ASTN2: variants seen among roughly 807,000 people sequenced by gnomAD.
ASTN2 encodes astrotactin-2.
ASTN2 carries 54 observed loss-of-function variants against 139.8 expected under a neutral mutation model. The ratio of observed to expected loss-of-function variants is 0.39; its 90% CI spans 0.31 to 0.48. The LOEUF is 0.48. Ranked by LOEUF, ASTN2 falls within the 20% of genes least tolerant of loss-of-function variation. The probability of loss-of-function intolerance (pLI) is 0.95; values close to 1 mark genes in which losing one functional copy is unlikely to be tolerated. For synonymous variants in ASTN2, 756 were observed against 719.5 expected, an observed-to-expected ratio of 1.05 and a Z score of -0.81; for missense variants, 1,565 against 1,725.1, an observed-to-expected ratio of 0.91 and a Z score of 1.64.
chr9:117,167,081 C>A (rs1279372700), intron 3 of ASTN2, among the ~76,000 whole-genome samples: 1 of 151,764 alleles, frequency 6.6e-6, no homozygotes, highest in Non-Finnish European at 1.5e-5. Flanking sequence ...CAAAGTAAAC[C>A]AAAAGATAAT....
At chr9:116,663,049 A>C (rs1232157440) in intron 16 of ASTN2, among the ~76,000 whole-genome samples, 2 of 152,202 alleles carry the variant, frequency 1.3e-5, no homozygotes, top group Non-Finnish European at 2.9e-5. Context: ...AACTGTGTTT[A>C]AAACTTACTC....
intron 1 of ASTN2, among the ~76,000 whole-genome samples, chr9:117,345,731 G>A (rs1047799951): frequency 3.9e-5 from 6 of 152,172 alleles, no homozygotes; most frequent in African/African-American, 1.4e-4. Context: ...GTCAGGGAGG[G>A]CTTCTCAGAG....
At chr9:116,728,499 T>C (rs1828692649) in intron 15 of ASTN2, among the ~76,000 whole-genome samples, 1 of 152,048 alleles carries the variant, frequency 6.6e-6, no homozygotes, top group African/African-American at 2.4e-5. Context: ...TTAAAGTTCA[T>C]GTGGATATAA....
At chr9:116,728,513 G>T (rs1043591270) in intron 15 of ASTN2, among the ~76,000 whole-genome samples, 1 of 152,100 alleles carries the variant, frequency 6.6e-6, no homozygotes, top group Non-Finnish European at 1.5e-5. Context: ...GATATAATGT[G>T]GGTGGTGCAT....
intron 5 of ASTN2, among the ~76,000 whole-genome samples, chr9:117,061,233 AG>A (rs1473294448): frequency 2.0e-5 from 3 of 152,016 alleles, no homozygotes; most frequent in Admixed American, 6.6e-5. Context: ...CTTTGGAGTC[AG>A]ACAGATCTGG....
intron 1 of ASTN2, among the ~76,000 whole-genome samples, chr9:117,310,969 C>T (rs1439642801): frequency 6.6e-6 from 1 of 152,038 alleles, no homozygotes; most frequent in African/African-American, 2.4e-5. Flanking sequence ...GAGATTGAAC[C>T]CCAGTTGCCC....
chr9:117,114,098 G>T (rs1829317250), intron 4 of ASTN2, among the ~76,000 whole-genome samples: 1 of 151,642 alleles, frequency 6.6e-6, no homozygotes, highest in Non-Finnish European at 1.5e-5. Flanking sequence ...GGAGGATGAG[G>T]TACAGAACAT....
At chr9:117,122,379 C>T (rs1829579031) in intron 4 of ASTN2, among the ~76,000 whole-genome samples, 1 of 151,972 alleles carries the variant, frequency 6.6e-6, no homozygotes, top group African/African-American at 2.4e-5. Context: ...TAGCAGATGG[C>T]CCAGGTCCCA....
At chr9:117,340,708 T>C (rs776564248) in intron 1 of ASTN2, among the ~76,000 whole-genome samples, 5 of 152,172 alleles carry the variant, frequency 3.3e-5, no homozygotes, top group Admixed American at 1.3e-4. Context: ...AATTGTCAAG[T>C]GCCATAAAAG....
At chr9:116,963,852 G>A (rs555176267) in intron 10 of ASTN2, among the ~76,000 whole-genome samples, 54 of 152,256 alleles carry the variant, frequency 3.5e-4, no homozygotes, top group African/African-American at 1.2e-3. Flanking sequence ...GTGCAGTTGG[G>A]ACATTTATTT....
At chr9:117,309,270 C>A (rs984009747) in intron 1 of ASTN2, among the ~76,000 whole-genome samples, 3 of 152,216 alleles carry the variant, frequency 2.0e-5, no homozygotes, top group Admixed American at 6.5e-5. Flanking sequence ...CTGCCACTGG[C>A]TGCATCTACT....
intron 19 of ASTN2, among the ~76,000 whole-genome samples, chr9:116,507,249 T>C (rs538040468): frequency 1.3e-5 from 2 of 152,252 alleles, no homozygotes; most frequent in African/African-American, 4.8e-5. Flanking sequence ...CCATAGTTTG[T>C]CTCCCTGAAA....
At chr9:116,522,140 T>G (rs1407696392) in intron 19 of ASTN2, among the ~76,000 whole-genome samples, 2 of 152,200 alleles carry the variant, frequency 1.3e-5, no homozygotes. Context: ...ATCTACTGTT[T>G]GATCCAGTAA....
In ASTN2 at chr9:117,120,018, G is replaced by GTATGTATATATATATA. The variant is rs1554780401; in HGVS notation, c.1168+21307_1168+21308insTATATATATATACATA. Among the ~76,000 whole-genome samples, 5 of 46,000 alleles carry GTATGTATATATATATA rather than the reference G, an allele frequency of 1.1e-4. 1 individual carries two copies. Among genetic ancestry groups the GTATGTATATATATATA allele is most frequent in the Admixed American group, 6.0e-4 (2 of 3,350 alleles). The allele number at this position is 46,000 out of a possible 152,430, so 30.2% of individuals were successfully genotyped here. A position where few individuals can be genotyped will look rare whatever the true frequency, so the allele number is the denominator to read the frequency against. On this transcript the variant is annotated intron_variant, in intron 4 of 22. Coordinates refer to ENST00000313400, the MANE Select transcript of ASTN2 (RefSeq NM_001365068.1). The stretch of plus-strand genomic sequence containing the variant: ...TGTGTGTGTGTGTGTGTGTGTGTGT[G>GTATGTATATATATATA]TATATATATATATATATATATATAT...
intron 11 of ASTN2, among the ~76,000 whole-genome samples, chr9:116,841,255 C>T (rs1832244206): frequency 6.6e-6 from 1 of 152,082 alleles, no homozygotes; most frequent in African/African-American, 2.4e-5. Context: ...CGTGCACCTG[C>T]AATCGCAGGC....
chr9:116,882,010 C>T (rs939755190), intron 10 of ASTN2, among the ~76,000 whole-genome samples: 2 of 152,086 alleles, frequency 1.3e-5, no homozygotes, highest in Non-Finnish European at 2.9e-5. Context: ...GCACTCAGTG[C>T]CTCAAGTGAT....
rs1034950131 is a variant in ASTN2 at position 116,462,893 on chromosome 9, C to G, written c.3498-20340G>C. Among the ~76,000 whole-genome samples, 6 of 151,404 alleles carry G rather than the reference C, an allele frequency of 4.0e-5. No individual in the cohort carries two copies. The South Asian group carries it at 1.1e-3, about 27-fold the overall frequency. ...GTAAATTTCTAACTAATATTACCTG[C>G]TAGTCACTGGATATCTCCTTTGGAT... is the stretch of plus-strand genomic sequence containing the variant. On this transcript the variant is annotated intron_variant, in intron 20 of 22. Coordinates refer to ENST00000313400, the MANE Select transcript of ASTN2 (RefSeq NM_001365068.1).
chr9:116,715,910 C>T (rs1348568730), intron 16 of ASTN2, among the ~76,000 whole-genome samples: 1 of 152,206 alleles, frequency 6.6e-6, no homozygotes, highest in Non-Finnish European at 1.5e-5. Flanking sequence ...AGGCTCCTCT[C>T]AGGTTGGTAG....
chr9:117,016,813 T>TTTTATATATATATATATA (rs1554769653), intron 6 of ASTN2, among the ~76,000 whole-genome samples: 1 of 92,570 alleles, frequency 1.1e-5, no homozygotes, highest in African/African-American at 3.2e-5. Flanking sequence ...TATATATGTT[T>TTTTATATATATATATATA]TATATATATA....
Sources: gnomAD v4.1 joint callset for allele counts (sites outside exome capture counted in the v4.1 genomes callset) on GRCh38, gnomAD v4.1.1 for gene constraint, MANE v1.5 for transcripts, NCBI Gene and HGNC (gene_info 2026-07-23, HGNC 2026-07-21) for gene names.